AOAH: variants seen among roughly 807,000 people sequenced by gnomAD.
AOAH encodes acyloxyacyl hydrolase.
AOAH carries 64 observed loss-of-function variants against 92.2 expected under a neutral mutation model. The ratio of observed to expected loss-of-function variants is 0.69; its 90% CI spans 0.57 to 0.86. The LOEUF (loss-of-function observed/expected upper bound fraction) is 0.86. Ranked by LOEUF, AOAH falls within the 40% of genes least tolerant of loss-of-function variation. The pLI, the probability that AOAH is intolerant of heterozygous loss-of-function variation, is 0.00. For missense variants in AOAH, 656 were observed against 694.6 expected, an observed-to-expected ratio of 0.94 and a Z score of 0.62; for synonymous variants, 263 against 254.5, an observed-to-expected ratio of 1.03 and a Z score of -0.32.
At chr7:36,603,334 A>G (rs971110659) in intron 11 of AOAH, among the ~76,000 whole-genome samples, 3 of 152,010 alleles carry the variant, frequency 2.0e-5, no homozygotes, top group Admixed American at 2.0e-4. Flanking sequence ...GCAGACCTCC[A>G]GGTCTCACCA....
At chr7:36,513,844 C>G (rs547135381) in intron 20 of AOAH, among the ~76,000 whole-genome samples, 50 of 152,318 alleles carry the variant, frequency 3.3e-4, no homozygotes, top group African/African-American at 1.2e-3. Context: ...TTGTGAGACC[C>G]TAAGCAGAGG....
chr7:36,562,308 T>C (rs1787332792), intron 13 of AOAH, among the ~76,000 whole-genome samples: 1 of 152,158 alleles, frequency 6.6e-6, no homozygotes, highest in African/African-American at 2.4e-5. Context: ...GCTGTTATCA[T>C]TAGAGAAAAT....
chr7:36,560,490 G>T (rs540092378), intron 13 of AOAH, among the ~76,000 whole-genome samples: 16 of 151,960 alleles, frequency 1.1e-4, no homozygotes, highest in Admixed American at 4.6e-4. Context: ...TATTTTCTTG[G>T]GATATTGTAA....
In AOAH at chr7:36,576,590, C is replaced by T; in HGVS notation, c.1005G>A (p.Gln335=). ...KRNHCNHRDY[Q]NISRNGASSR... ...GTTACGTACCATTTCTTGAAATATT[C>T]TGGTAGTCCCTGTGATTACAGTGGT... is the stretch of plus-strand genomic sequence containing the variant. Residue 335 remains glutamine (Q), a synonymous_variant, in exon 13 of 21, where the codon CAG becomes CAA. Transcript: ENST00000617537. 2 of 1,572,776 alleles carry T rather than the reference C, an allele frequency of 1.3e-6. No individual in the cohort carries two copies. Among genetic ancestry groups the T allele is most frequent in the South Asian group, 1.2e-5 (1 of 85,554 alleles).
chr7:36,703,197 C>A (rs1798138161), intron 1 of AOAH, among the ~76,000 whole-genome samples: 1 of 152,052 alleles, frequency 6.6e-6, no homozygotes, highest in African/African-American at 2.4e-5. Flanking sequence ...GTCTTAAACC[C>A]CTCAAAATCA....
At chr7:36,720,768 A>C (rs952893628) in intron 1 of AOAH, among the ~76,000 whole-genome samples, 20 of 143,728 alleles carry the variant, frequency 1.4e-4, no homozygotes, top group Non-Finnish European at 2.8e-4. Flanking sequence ...CATTCTAAAA[A>C]TCCTTCCTCT....
rs1213600076 is a variant in AOAH at position 36,530,468 on chromosome 7, T to C, written c.1472A>G (p.Glu491Gly). 4.3e-6 allele frequency: 7 copies of C among 1,614,038 alleles called. No individual in the cohort carries two copies. In the South Asian group the frequency reaches 6.6e-5, roughly 15 times the overall value. Residue 491 changes from glutamate to glycine, a missense_variant, in exon 19 of 21, where the codon GAG becomes GGG. Physicochemically the swap from Glu to Gly is moderately conservative, Grantham distance 98. Coordinates refer to ENST00000617537, the MANE Select transcript of AOAH (RefSeq NM_001637.4). ...GAAAAGATTGAAGTTTGTAAATTTC[T>C]CACTGGCTGCAATTTTTTTCAGTGT... is the stretch of plus-strand genomic sequence containing the variant. ...SNTLKKIAASEKFTNFNLFYM... is the reference protein window; with the variant it reads ...SNTLKKIAASGKFTNFNLFYM...
chr7:36,699,014 T>C (rs1797879981), intron 1 of AOAH, among the ~76,000 whole-genome samples: 1 of 99,272 alleles, frequency 1.0e-5, no homozygotes, highest in African/African-American at 3.3e-5. Flanking sequence ...CTTTATGAGA[T>C]CCATTTTTTT....
Position 36,724,139 on chromosome 7 carries a change from G to C in AOAH, c.10C>G (p.Pro4Ala), listed in dbSNP as rs1799828095. The C allele has an allele frequency of 1.2e-6, 2 of 1,613,090 alleles. No homozygotes were observed. The highest frequency in any genetic ancestry group is 2.7e-5 in the African/African-American group (2 of 74,856). MQSPWKILTVAPLF... is the reference protein window; with the variant it reads MQSAWKILTVAPLF... ...GGCGCCACCGTAAGGATTTTCCAGGGGGACTGCATCTCCGAGCTATGCACC... is the reference window on the plus strand; with the variant it reads ...GGCGCCACCGTAAGGATTTTCCAGGCGGACTGCATCTCCGAGCTATGCACC... The change falls in exon 1 of 21, where the codon CCC becomes GCC. Residue 4 changes from proline (P) to alanine (A), a missense_variant. Transcript: ENST00000617537.
chr7:36,600,520 G>A (rs532882985), intron 11 of AOAH, among the ~76,000 whole-genome samples: 11 of 152,248 alleles, frequency 7.2e-5, no homozygotes, highest in South Asian at 2.1e-4. Context: ...GACATATCCC[G>A]GGGAAAGGCC....
intron 2 of AOAH, among the ~76,000 whole-genome samples, chr7:36,683,851 G>A (rs1037169681): frequency 1.4e-4 from 21 of 152,050 alleles, no homozygotes; most frequent in Admixed American, 1.2e-3. Flanking sequence ...CAAATTAGCC[G>A]GGTGCGGTGG....
At chr7:36,629,206 A>AT (rs1792890409) in intron 6 of AOAH, among the ~76,000 whole-genome samples, 3 of 152,226 alleles carry the variant, frequency 2.0e-5, no homozygotes, top group African/African-American at 7.2e-5. Context: ...AAACACAGTG[A>AT]TTTTTTAGAA....
intron 12 of AOAH, among the ~76,000 whole-genome samples, chr7:36,582,710 A>G (rs1789019060): frequency 6.6e-6 from 1 of 152,236 alleles, no homozygotes; most frequent in African/African-American, 2.4e-5. Flanking sequence ...GACTCAAGGC[A>G]GAACCTATTT....
intron 12 of AOAH, 44 bp from the exon 13 acceptor site, chr7:36,576,700 C>A: frequency 9.6e-7 from 1 of 1,044,956 alleles, no homozygotes; most frequent in Non-Finnish European, 1.4e-6. Context: ...AGGATACTCA[C>A]ATAAAGAAGT....
chr7:36,540,247 T>C, intron 16 of AOAH, 72 bp downstream of exon 16: 1 of 1,379,070 alleles, frequency 7.3e-7, no homozygotes, highest in Non-Finnish European at 9.8e-7. Flanking sequence ...TCTATATGGT[T>C]TGAACCATAT....
chr7:36,720,954 A>C (rs937607499), intron 1 of AOAH, among the ~76,000 whole-genome samples: 1 of 152,124 alleles, frequency 6.6e-6, no homozygotes, highest in Non-Finnish European at 1.5e-5. Flanking sequence ...ACTCCAATCA[A>C]CAATTCCTTC....
At position 36,614,203 on chromosome 7, in the gene AOAH, G is replaced by A. The variant is rs1270284075; in HGVS notation, c.846+2177C>T. On this transcript the variant is annotated intron_variant, in intron 11 of 20. Coordinates refer to ENST00000617537, the MANE Select transcript of AOAH (RefSeq NM_001637.4). The surrounding 1 kb of genome is among the most constrained non-coding windows in gnomAD (Gnocchi z 4.2). ...CACCACCCCCTTCTCTAATGGACAC[G>A]GTGGCTCTTGGGACGAGTCTGTTGT... 2.0e-5 allele frequency among the ~76,000 whole-genome samples: 3 copies of A among 152,226 alleles called. No individual in the cohort carries two copies. The highest frequency in any genetic ancestry group is 4.8e-5 in the African/African-American group (2 of 41,522).
chr7:36,576,613 G>T lies in AOAH; in HGVS notation c.982C>A (p.His328Asn). The change falls in exon 13 of 21, where the codon CAC becomes AAC. Residue 328 changes from histidine (H) to asparagine (N), a missense_variant. By Grantham distance (68) the His-to-Asn change is moderately conservative. Coordinates refer to ENST00000617537, the MANE Select transcript of AOAH (RefSeq NM_001637.4). ...SIYLRLWKRN[H>N]CNHRDYQNIS... ...TTCTGGTAGTCCCTGTGATTACAGT[G>T]GTTTCTTTTCCATAAGCGAAGGTAA... The T allele has an allele frequency of 1.3e-6, 2 of 1,580,942 alleles. No homozygotes were observed. Among genetic ancestry groups the T allele is most frequent in the Non-Finnish European group, 1.7e-6 (2 of 1,159,318 alleles).
intron 2 of AOAH, among the ~76,000 whole-genome samples, chr7:36,681,034 T>C (rs1443408317): frequency 6.6e-6 from 1 of 152,122 alleles, no homozygotes; most frequent in East Asian, 1.9e-4. Flanking sequence ...ATCTAGGAAA[T>C]AGGATTTTTA....
Sources: allele counts gnomAD v4.1 joint callset (sites outside exome capture counted in the v4.1 genomes callset), GRCh38; gene constraint gnomAD v4.1.1; non-coding constraint Gnocchi (gnomAD v3.1); transcripts MANE v1.5; gene names NCBI Gene and HGNC (gene_info 2026-07-23, HGNC 2026-07-21).